The following KMT2C variants were observed in gnomAD, a reference collection of about 807,000 sequenced individuals.
KMT2C encodes lysine methyltransferase 2C, also known as histone-lysine N-methyltransferase 2C.
A neutral mutation model predicts 507.9 loss-of-function variants in KMT2C; 88 were observed. The ratio of observed to expected loss-of-function variants is 0.17; its 90% CI spans 0.15 to 0.21. KMT2C has a LOEUF of 0.21. KMT2C is among the 10% of genes least tolerant of loss of function. The probability of loss-of-function intolerance (pLI) is 1.00; values close to 1 mark genes in which losing one functional copy is unlikely to be tolerated. For missense variants in KMT2C, 4,954 were observed against 5,957.8 expected, an observed-to-expected ratio of 0.83 and a Z score of 5.55; for synonymous variants, 2,049 against 2,080.8, an observed-to-expected ratio of 0.98 and a Z score of 0.42.
chr7:152,367,999 A>C, intron 1 of KMT2C: 1 of 853,956 alleles, frequency 1.2e-6, no homozygotes, highest in East Asian at 2.5e-5. Flanking sequence ...GAAATCCAAG[A>C]ACATAAAATT....
chr7:152,283,506 C>A (rs922219880), intron 6 of KMT2C, among the ~76,000 whole-genome samples: 2 of 152,122 alleles, frequency 1.3e-5, no homozygotes, highest in African/African-American at 4.8e-5. Flanking sequence ...TTGAAACTAA[C>A]AGAAGAATAC....
At chr7:152,195,641 G>A (rs572822548) in intron 28 of KMT2C, 15 of 660,864 alleles carry the variant, frequency 2.3e-5, no homozygotes, top group South Asian at 6.9e-5. Context: ...ACAAACAAAA[G>A]AAGAAAAAAG....
intron 1 of KMT2C, among the ~76,000 whole-genome samples, chr7:152,363,749 G>C (rs565487895): frequency 6.6e-6 from 1 of 152,298 alleles, no homozygotes; most frequent in East Asian, 1.9e-4. Flanking sequence ...CAAGAGAAGA[G>C]AGGTATTCAG....
intron 1 of KMT2C, among the ~76,000 whole-genome samples, chr7:152,374,361 A>G: frequency 6.6e-6 from 1 of 151,828 alleles, no homozygotes; most frequent in South Asian, 2.1e-4. Context: ...AATTGAAAAG[A>G]AATTTTAAAA....
chr7:152,391,146 A>AAAAT (rs2097492597), intron 1 of KMT2C, among the ~76,000 whole-genome samples: 2 of 140,162 alleles, frequency 1.4e-5, no homozygotes, highest in South Asian at 4.3e-4. Context: ...TGTCTCCAAA[A>AAAAT]AAAAAAAAAA....
At chr7:152,425,831 G>A (rs1279912418) in intron 1 of KMT2C, among the ~76,000 whole-genome samples, 5 of 151,970 alleles carry the variant, frequency 3.3e-5, no homozygotes, top group African/African-American at 4.8e-5. Context: ...TGCTTCTAAT[G>A]TAAATCGATT....
intron 9 of KMT2C, among the ~76,000 whole-genome samples, chr7:152,260,073 A>G (rs1316390386): frequency 6.6e-6 from 1 of 152,204 alleles, no homozygotes; most frequent in South Asian, 2.1e-4. Context: ...CTGTGAGGTA[A>G]GTACCGTTAA....
intron 1 of KMT2C, among the ~76,000 whole-genome samples, chr7:152,393,279 A>C (rs532846543): frequency 3.3e-5 from 5 of 152,316 alleles, no homozygotes; most frequent in South Asian, 2.1e-4. Flanking sequence ...ATTTCAATGG[A>C]GATTCACTTT....
chr7:152,325,467 T>C (rs981197273), intron 3 of KMT2C, among the ~76,000 whole-genome samples: 1 of 141,038 alleles, frequency 7.1e-6, no homozygotes, highest in Admixed American at 7.0e-5. Flanking sequence ...TTTATGTGTG[T>C]TTTTTTTTTT....
rs75825176 is a variant in KMT2C, at chr7:152,140,698, C to T, written c.14344-907G>A. ...ATGCAGAAATCAACTGCATTCTAGTCGGAATTACTAGGAGGACCATGTGCT... is the reference window on the plus strand; with the variant it reads ...ATGCAGAAATCAACTGCATTCTAGTTGGAATTACTAGGAGGACCATGTGCT... On this transcript the variant is annotated intron_variant, in intron 55 of 58. Transcript: ENST00000262189. 9.2e-5 allele frequency among the ~76,000 whole-genome samples: 14 copies of T among 152,216 alleles called. No individual in the cohort carries two copies. In the East Asian group the frequency reaches 2.7e-3, roughly 29 times the overall value.
At chr7:152,289,839 G>A (rs1320758564) in intron 6 of KMT2C, among the ~76,000 whole-genome samples, 1 of 152,094 alleles carries the variant, frequency 6.6e-6, no homozygotes, top group Admixed American at 6.6e-5. Context: ...TGGAGGCCAG[G>A]AGTTCAAGAC....
At chr7:152,153,795 T>C (rs2091842188) in intron 48 of KMT2C, among the ~76,000 whole-genome samples, 1 of 151,568 alleles carries the variant, frequency 6.6e-6, no homozygotes. Flanking sequence ...ATGTGAGCTC[T>C]AATTTCCCTT....
rs146701329 is a variant in KMT2C, at chr7:152,179,958, G to A, written c.7318C>T (p.Pro2440Ser). 1 of 1,614,134 alleles carries A rather than the reference G, an allele frequency of 6.2e-7. No homozygotes were observed. Among genetic ancestry groups the A allele is most frequent in the African/African-American group, 1.3e-5 (1 of 75,036 alleles). ...GCAACAGGAGACCTAATGTTCCCAGGATAGGGAGGTGGGGGTCTGGTGAAA... is the reference window on the plus strand; with the variant it reads ...GCAACAGGAGACCTAATGTTCCCAGAATAGGGAGGTGGGGGTCTGGTGAAA... Reference protein sequence around the residue: ...QAFTRPPPPYPGNIRSPVAPP... With the variant: ...QAFTRPPPPYSGNIRSPVAPP... The change falls in exon 37 of 59, where the codon CCT becomes TCT. Residue 2440 changes from proline (P) to serine (S), a missense_variant. Coordinates refer to ENST00000262189, the MANE Select transcript of KMT2C (RefSeq NM_170606.3).
At chr7:152,310,513 T>C (rs148473426) in intron 5 of KMT2C, among the ~76,000 whole-genome samples, 6,082 of 152,170 alleles carry the variant, frequency 0.04, 164 homozygotes, top group South Asian at 0.084. Flanking sequence ...TGCAGTGAGC[T>C]GAGATCGCAC....
At chr7:152,409,563 CAAA>C (rs367688749) in intron 1 of KMT2C, among the ~76,000 whole-genome samples, 76 of 98,318 alleles carry the variant, frequency 7.7e-4, no homozygotes, top group African/African-American at 1.5e-3. Context: ...GCTAAAAATA[CAAA>C]AAAAAAAAAA....
At chr7:152,141,171 C>G (rs746602461) in intron 55 of KMT2C, among the ~76,000 whole-genome samples, 1 of 152,094 alleles carries the variant, frequency 6.6e-6, no homozygotes, top group Non-Finnish European at 1.5e-5. Context: ...GCCCCAGAGG[C>G]AGAGGTTGCA....
chr7:152,271,757 G>C (rs1423163563), intron 7 of KMT2C, among the ~76,000 whole-genome samples: 1 of 151,042 alleles, frequency 6.6e-6, no homozygotes, highest in African/African-American at 2.4e-5. Flanking sequence ...TTAGTTTGAA[G>C]GCTGCTATAA....
At chr7:152,355,551 A>C (rs1442599406) in intron 2 of KMT2C, among the ~76,000 whole-genome samples, 1 of 152,012 alleles carries the variant, frequency 6.6e-6, no homozygotes, top group Non-Finnish European at 1.5e-5. Flanking sequence ...AGGAAAAAAC[A>C]AAAAAACAAA....
At chr7:152,271,904 A>C (rs996378606) in intron 7 of KMT2C, among the ~76,000 whole-genome samples, 2 of 152,114 alleles carry the variant, frequency 1.3e-5, no homozygotes, top group Non-Finnish European at 2.9e-5. Flanking sequence ...AAATAGTAAG[A>C]ATCAGATTAA....
Sources: gnomAD v4.1 joint callset for allele counts (sites outside exome capture counted in the v4.1 genomes callset) on GRCh38, gnomAD v4.1.1 for gene constraint, MANE v1.5 for transcripts, NCBI Gene and HGNC (gene_info 2026-07-23, HGNC 2026-07-21) for gene names.